The following SCAP variants were observed in gnomAD, a reference collection of about 807,000 sequenced individuals.
The protein encoded by SCAP is SREBF chaperone.
SCAP carries 65 observed loss-of-function variants against 123.6 expected under a neutral mutation model. The ratio of observed to expected loss-of-function variants is 0.53; its 90% CI spans 0.43 to 0.65. The LOEUF is 0.65. Ranked by LOEUF, SCAP falls within the 30% of genes least tolerant of loss-of-function variation. SCAP has a pLI of 0.00. For missense variants in SCAP, 1,398 were observed against 1,712.5 expected (o/e 0.82, Z 3.24); for synonymous variants, 740 against 726.3 (o/e 1.02, Z -0.30).
At chr3:47,473,943 G>C (rs1485330917) in intron 1 of SCAP, among the ~76,000 whole-genome samples, 2 of 152,206 alleles carry the variant, frequency 1.3e-5, no homozygotes, top group Admixed American at 6.5e-5. Flanking sequence ...TAGAGAGGGG[G>C]CGTTTTTGCC....
Position 47,417,438 on chromosome 3 carries a change from G to A in SCAP, c.2836C>T (p.Pro946Ser). 6.4e-7 allele frequency: 1 copy of A among 1,556,866 alleles called. No homozygotes were observed. Among genetic ancestry groups the A allele is most frequent in the Non-Finnish European group, 8.7e-7 (1 of 1,151,520 alleles). The change falls in exon 17 of 23, where the codon CCT (proline) becomes TCT (serine). Residue 946 changes from proline (P) to serine (S), a missense_variant. Around this residue, in one of 7 missense-constraint regions of SCAP, gnomAD observed 828 missense variants for 882.5 expected, o/e 0.94. Coordinates refer to ENST00000265565, the MANE Select transcript of SCAP (RefSeq NM_012235.4). ...TCGGGGGAGCCACCCTCGTCCTCAG[G>A]GGCCTGGGACAGCACCGGCCCAGGC... is the stretch of plus-strand genomic sequence containing the variant. ...PSPGPVLSQA[P>S]EDEGGSPEKG...
At chr3:47,437,567 G>A (rs889132183) in intron 2 of SCAP, among the ~76,000 whole-genome samples, 1 of 150,938 alleles carries the variant, frequency 6.6e-6, no homozygotes, top group African/African-American at 2.4e-5. Context: ...ATGGTGAAAC[G>A]CCATCCCTAA....
chr3:47,454,862 G>A (rs911089402), intron 1 of SCAP, among the ~76,000 whole-genome samples: 37 of 151,598 alleles, frequency 2.4e-4, no homozygotes, highest in Admixed American at 5.3e-4. Flanking sequence ...GAACACACTA[G>A]AAGTGTTCTC....
At chr3:47,440,853 CCT>C (rs1406263923) in intron 2 of SCAP, among the ~76,000 whole-genome samples, 2 of 152,002 alleles carry the variant, frequency 1.3e-5, no homozygotes, top group Admixed American at 6.6e-5. Flanking sequence ...GAAGCGAGAC[CCT>C]GTCTCAAGGA....
rs759895000 is a variant in SCAP at position 47,417,760 on chromosome 3, T to C, written c.2514A>G (p.Ser838=). The stretch of plus-strand genomic sequence containing the variant: ...CCTCTGGACCAGCCTTCCCACCATC[T>C]GAAAGTCGTTCCCAGCTCTCCTGAG... ...LEAQESWERL[S]DGGKAGPEEP... is the part of the protein sequence containing the mutation. The change falls in exon 17 of 23, where the codon TCA becomes TCG. Residue 838 remains serine, a synonymous_variant. Transcript: ENST00000265565. 35 of 1,604,074 alleles carry C rather than the reference T, an allele frequency of 2.2e-5. No homozygotes were observed. Among genetic ancestry groups the C allele is most frequent in the Non-Finnish European group, 2.9e-5 (34 of 1,177,572 alleles).
intron 1 of SCAP, among the ~76,000 whole-genome samples, chr3:47,444,807 G>A (rs1309619544): frequency 7.0e-6 from 1 of 143,766 alleles, no homozygotes; most frequent in African/African-American, 2.6e-5. Flanking sequence ...TTTGAGATGG[G>A]GTTGCCCAGG....
intron 3 of SCAP, among the ~76,000 whole-genome samples, chr3:47,432,942 C>T (rs185845568): frequency 6.6e-6 from 1 of 152,286 alleles, no homozygotes; most frequent in East Asian, 1.9e-4. Context: ...GGCAGGTAAC[C>T]CTATTCATAG....
intron 7 of SCAP, 99 bp downstream of exon 7, chr3:47,425,898 C>G: frequency 7.3e-7 from 1 of 1,366,398 alleles, no homozygotes; most frequent in Non-Finnish European, 1.0e-6. Context: ...TGTGTTCTAT[C>G]TCTCTACCCC....
intron 3 of SCAP, among the ~76,000 whole-genome samples, chr3:47,432,136 G>A (rs1706382949): frequency 6.6e-6 from 1 of 151,842 alleles, no homozygotes; most frequent in South Asian, 2.1e-4. Context: ...GGCCAACATG[G>A]TGAAACCCCG....
chr3:47,441,909 T>C (rs1301442359), intron 2 of SCAP, among the ~76,000 whole-genome samples: 1 of 144,738 alleles, frequency 6.9e-6, no homozygotes, highest in East Asian at 2.1e-4. Flanking sequence ...GGTCTTGCTA[T>C]GTTGCCCAGG....
chr3:47,425,058 G>GAA (rs1025556177), intron 8 of SCAP, among the ~76,000 whole-genome samples: 6 of 149,564 alleles, frequency 4.0e-5, no homozygotes, highest in Non-Finnish European at 6.0e-5. Flanking sequence ...TTCTAATCAT[G>GAA]AAAAAAAAAA....
intron 1 of SCAP, among the ~76,000 whole-genome samples, chr3:47,449,540 C>A (rs1336820182): frequency 2.4e-5 from 3 of 124,088 alleles, no homozygotes; most frequent in Non-Finnish European, 3.6e-5. Context: ...ACGTGGAGGG[C>A]CAGAGCAAGA....
intron 5 of SCAP, 37 bp from the exon 6 acceptor site, chr3:47,427,299 G>T: frequency 1.3e-6 from 2 of 1,576,282 alleles, no homozygotes; most frequent in Non-Finnish European, 1.7e-6. Context: ...ACACAGAAAT[G>T]ACAGCTACTG....
chr3:47,437,636 G>A (rs371236737), intron 2 of SCAP, among the ~76,000 whole-genome samples: 10 of 151,884 alleles, frequency 6.6e-5, no homozygotes, highest in South Asian at 4.2e-4. Context: ...GTCCCAGCTC[G>A]GGAGGCTTAA....
chr3:47,435,245 T>C, intron 2 of SCAP, 108 bp from the exon 3 acceptor site: 1 of 1,217,304 alleles, frequency 8.2e-7, no homozygotes, highest in Non-Finnish European at 1.1e-6. Context: ...GTCAGGACTG[T>C]ACAAATGTGC....
In SCAP at chr3:47,419,469, C is replaced by T. The variant is rs150799323; in HGVS notation, c.1799G>A (p.Arg600His). 2.2e-5 allele frequency: 35 copies of T among 1,614,000 alleles called. No individual in the cohort carries two copies. The East Asian group carries it at 2.2e-4, about 10-fold the overall frequency. The change falls in exon 13 of 23, where the codon CGT (arginine) becomes CAT (histidine). Residue 600 changes from arginine to histidine, a missense_variant. Physicochemically the swap from Arg to His is conservative, Grantham distance 29. Transcript: ENST00000265565. This position sits in a 1 kb window ranked among gnomAD's most constrained non-coding sequence, Gnocchi z 5.0. ...NQTSPGESPE[R>H]GGPAEVVHDS... ...ATGGACAACCTCTGCTGGACCTCCA[C>T]GCTCAGGTGACTCGCCTGGCGACGT...
At chr3:47,438,123 T>TA (rs1341265039) in intron 2 of SCAP, among the ~76,000 whole-genome samples, 7 of 152,214 alleles carry the variant, frequency 4.6e-5, no homozygotes, top group Non-Finnish European at 8.8e-5. Flanking sequence ...TTAAAAAAAT[T>TA]ATTTCATTTA....
intron 1 of SCAP, among the ~76,000 whole-genome samples, chr3:47,471,785 T>C (rs1179639051): frequency 6.6e-6 from 1 of 152,168 alleles, no homozygotes; most frequent in African/African-American, 2.4e-5. Context: ...ATGCTCCCAA[T>C]ACATGTACAC....
rs894535101 is a variant in SCAP, at chr3:47,420,064, C to T, written c.1564-360G>A. Among the ~76,000 whole-genome samples the T allele has an allele frequency of 6.6e-6, 1 of 152,190 alleles. No homozygotes were observed. The highest frequency in any genetic ancestry group is 6.5e-5 in the Admixed American group (1 of 15,284). On this transcript the variant is annotated intron_variant, in intron 12 of 22. Transcript: ENST00000265565. The surrounding 1 kb of genome is among the most constrained non-coding windows in gnomAD (Gnocchi z 5.0). ...CAGAGGGCCAGCAACCTGACCTGCT[C>T]CAGAGTCCCCCAGAGGTCCTAGTCC...
Sources: allele counts gnomAD v4.1 joint callset (sites outside exome capture counted in the v4.1 genomes callset), GRCh38; gene constraint gnomAD v4.1.1; regional missense constraint gnomAD v4.1.1; non-coding constraint Gnocchi (gnomAD v3.1); transcripts MANE v1.5; gene names NCBI Gene and HGNC (gene_info 2026-07-23, HGNC 2026-07-21).